TPTE: variants seen among roughly 807,000 people sequenced by gnomAD.
The protein encoded by TPTE is transmembrane phosphatase with tensin homology, also known as putative tyrosine-protein phosphatase TPTE.
In TPTE, 59 loss-of-function variants were observed where a neutral mutation model predicts 84.1. That is an observed-to-expected ratio of 0.70 (90% CI 0.57 to 0.87). TPTE has a LOEUF of 0.87. Among genes scored for constraint, TPTE ranks in the 40% least tolerant of loss-of-function variants. The pLI is 0.00. For missense variants in TPTE, 382 were observed against 659.6 expected (o/e 0.58, Z 4.61); for synonymous variants, 130 against 223.5 (o/e 0.58, Z 3.73).
intron 14 of TPTE, among the ~76,000 whole-genome samples, chr21:10,575,761 A>T (rs868773402): frequency 2.8e-3 from 430 of 151,732 alleles, no homozygotes; most frequent in Middle Eastern, 0.014. Context: ...ACCCCATTAA[A>T]AAGTGGGCAG....
In TPTE at chr21:10,530,330, T is replaced by TA. The variant is rs1375695856; in HGVS notation, c.-44+2919dup. On this transcript the variant is annotated intron_variant, in intron 3 of 23. Coordinates refer to ENST00000618007, the MANE Select transcript of TPTE (RefSeq NM_199261.4). ...AGATATACATATTGACATATACAGA[T>TA]ATATGCACATATGCAACAATTTTAA... 3.3e-5 allele frequency among the ~76,000 whole-genome samples: 5 copies of TA among 152,312 alleles called. No individual in the cohort carries two copies. In the East Asian group the frequency reaches 9.6e-4, roughly 29 times the overall value.
At chr21:10,557,218 G>C (rs1342744369) in intron 8 of TPTE, among the ~76,000 whole-genome samples, 1 of 152,302 alleles carries the variant, frequency 6.6e-6, no homozygotes, top group Non-Finnish European at 1.5e-5. Context: ...TGGAGTGTCT[G>C]TCTGTTGCTC....
At chr21:10,604,885 A>T (rs1178120575) in intron 23 of TPTE, among the ~76,000 whole-genome samples, 3 of 152,288 alleles carry the variant, frequency 2.0e-5, no homozygotes, top group Non-Finnish European at 2.9e-5. Context: ...TTGTTATGAG[A>T]TTGTTGTTTA....
At chr21:10,522,190 G>T (rs1568945609) in intron 1 of TPTE, among the ~76,000 whole-genome samples, 3 of 152,290 alleles carry the variant, frequency 2.0e-5, no homozygotes, top group South Asian at 4.1e-4. Context: ...CTTTCTAGCC[G>T]CTCCTCTAGG....
intron 1 of TPTE, among the ~76,000 whole-genome samples, chr21:10,523,278 A>G (rs1243494047): frequency 6.6e-6 from 1 of 152,290 alleles, no homozygotes; most frequent in Non-Finnish European, 1.5e-5. Flanking sequence ...ATCTTTAATG[A>G]GTATCTGTAT....
At chr21:10,577,786 G>A (rs1216295432) in intron 15 of TPTE, among the ~76,000 whole-genome samples, 20 of 152,398 alleles carry the variant, frequency 1.3e-4, no homozygotes, top group Middle Eastern at 3.4e-3. Flanking sequence ...CTGTTCTAGC[G>A]ATATTAGGTT....
chr21:10,549,441 C>G (rs1467582519), intron 7 of TPTE, among the ~76,000 whole-genome samples: 2 of 152,298 alleles, frequency 1.3e-5, no homozygotes, highest in African/African-American at 4.8e-5. Flanking sequence ...TAAGGTAATA[C>G]AGATAGACAA....
At chr21:10,556,773 T>C (rs2074692361) in intron 8 of TPTE, among the ~76,000 whole-genome samples, 1 of 152,308 alleles carries the variant, frequency 6.6e-6, no homozygotes, top group Non-Finnish European at 1.5e-5. Flanking sequence ...GGTTTTGATT[T>C]GCATTTCTCT....
intron 14 of TPTE, among the ~76,000 whole-genome samples, chr21:10,573,865 G>A (rs867758753): frequency 0.013 from 1,873 of 149,272 alleles, no homozygotes; most frequent in Non-Finnish European, 0.017. Flanking sequence ...TCCGAGGAGC[G>A]GCAACAAAAC....
At chr21:10,552,984 T>A (rs1257083790) in intron 8 of TPTE, among the ~76,000 whole-genome samples, 4 of 144,914 alleles carry the variant, frequency 2.8e-5, no homozygotes, top group Non-Finnish European at 5.9e-5. Context: ...CCATTAAAAG[T>A]TTTTTTTAAA....
chr21:10,536,189 A>G (rs1368473687), intron 3 of TPTE, among the ~76,000 whole-genome samples: 1 of 152,308 alleles, frequency 6.6e-6, no homozygotes, highest in Non-Finnish European at 1.5e-5. Flanking sequence ...GAGGAAGGAG[A>G]ATTGCTTGAA....
At chr21:10,590,159 A>C (rs577603851) in intron 17 of TPTE, among the ~76,000 whole-genome samples, 321 of 151,862 alleles carry the variant, frequency 2.1e-3, no homozygotes, top group Non-Finnish European at 4.1e-3. Context: ...ACTATTATCC[A>C]AAAAAATCAT....
intron 21 of TPTE, among the ~76,000 whole-genome samples, chr21:10,600,072 T>C (rs1223095380): frequency 8.4e-4 from 128 of 151,938 alleles, no homozygotes; most frequent in African/African-American, 3.0e-3. Context: ...CACAAGATGC[T>C]GGGATTATAA....
Position 10,541,124 on chromosome 21 carries a change from T to G in TPTE, c.24T>G (p.Thr8=), listed in dbSNP as rs1422523084. 2 of 1,613,206 alleles carry G rather than the reference T, an allele frequency of 1.2e-6. No individual in the cohort carries two copies. The highest frequency in any genetic ancestry group is 1.7e-6 in the Non-Finnish European group (2 of 1,179,328). The change falls in exon 5 of 24, where the codon ACT becomes ACG. Residue 8 remains threonine (T), a synonymous_variant. Transcript: ENST00000618007. The part of the protein sequence containing the change: MNESPDP[T]DLAGVIIELG... ...ATTTGTCCTTTAGTCCTGATCCGAC[T>G]GACCTGGCGGGAGTCATCATTGAGC...
At chr21:10,602,949 G>A (rs1353688156) in intron 22 of TPTE, among the ~76,000 whole-genome samples, 1 of 152,310 alleles carries the variant, frequency 6.6e-6, no homozygotes, top group Non-Finnish European at 1.5e-5. Flanking sequence ...TCTCTGCTGT[G>A]ACTGAGAGGT....
intron 19 of TPTE, among the ~76,000 whole-genome samples, chr21:10,594,734 T>C (rs1247265136): frequency 6.6e-6 from 1 of 152,310 alleles, no homozygotes; most frequent in Non-Finnish European, 1.5e-5. Flanking sequence ...CACCAAAGGC[T>C]GCAACTGAAT....
chr21:10,544,057 A>G (rs2074421933), intron 7 of TPTE, among the ~76,000 whole-genome samples: 1 of 152,310 alleles, frequency 6.6e-6, no homozygotes, highest in African/African-American at 2.4e-5. Flanking sequence ...AGTGAAAGGA[A>G]GGAGGTGGTG....
At chr21:10,552,359 A>G (rs2074590827) in intron 7 of TPTE, among the ~76,000 whole-genome samples, 1 of 152,292 alleles carries the variant, frequency 6.6e-6, no homozygotes, top group Admixed American at 6.5e-5. Context: ...TTTATATATT[A>G]TATATCCATA....
intron 23 of TPTE, 100 bp from the exon 24 acceptor site, chr21:10,605,317 G>A (rs1601000050): frequency 1.4e-6 from 2 of 1,454,342 alleles, no homozygotes; most frequent in Non-Finnish European, 1.8e-6. Context: ...TTCATGGTGA[G>A]GTTCTTTTTT....
Sources: allele counts gnomAD v4.1 joint callset (sites outside exome capture counted in the v4.1 genomes callset), GRCh38; gene constraint gnomAD v4.1.1; transcripts MANE v1.5; gene names NCBI Gene and HGNC (gene_info 2026-07-23, HGNC 2026-07-21).